The following CCDC15 variants were observed in gnomAD, a reference collection of about 807,000 sequenced individuals.
CCDC15 encodes the protein coiled-coil domain-containing protein 15.
A neutral mutation model predicts 114.5 loss-of-function variants in CCDC15; 105 were observed. The observed-to-expected ratio is 0.92, with a 90% CI of 0.78 to 1.08. The LOEUF (loss-of-function observed/expected upper bound fraction) is 1.08, where lower values mean the gene tolerates loss of function less well. Ranked by LOEUF, CCDC15 falls within the 50% of genes least tolerant of loss-of-function variation. The pLI is 0.00. For missense variants in CCDC15, 1,105 were observed against 1,093.6 expected, an observed-to-expected ratio of 1.01 and a Z score of -0.15; for synonymous variants, 334 against 377.8, an observed-to-expected ratio of 0.88 and a Z score of 1.34.
At chr11:124,975,272 C>T in intron 5 of CCDC15, 63 bp downstream of exon 5, 1 of 969,212 alleles carries the variant, frequency 1.0e-6, no homozygotes, top group Non-Finnish European at 1.5e-6. Context: ...TAAAGATTTA[C>T]TTATATCTCA....
chr11:125,004,076 T>C, intron 12 of CCDC15, 117 bp downstream of exon 12: 2 of 488,624 alleles, frequency 4.1e-6, no homozygotes, highest in Non-Finnish European at 6.9e-6. Flanking sequence ...ACCACAAATT[T>C]CATAAATCAA....
At chr11:124,992,857 T>G (rs1367365555) in intron 10 of CCDC15, among the ~76,000 whole-genome samples, 170 bp downstream of exon 10, 1 of 152,246 alleles carries the variant, frequency 6.6e-6, no homozygotes, top group African/African-American at 2.4e-5. Flanking sequence ...TTTCAAAATG[T>G]GCCAGAATAA....
Position 125,003,858 on chromosome 11 carries a change from TC to T in CCDC15, c.2215-8del, listed in dbSNP as rs773921376. 6.6e-7 allele frequency: 1 copy of T among 1,520,044 alleles called. No individual in the cohort carries two copies. The highest frequency in any genetic ancestry group is 1.3e-5 in the South Asian group (1 of 76,326). The allele number at this position is 1,520,044 out of a possible 1,614,324, so 94.2% of individuals were successfully genotyped here. On this transcript the variant is annotated splice_polypyrimidine_tract_variant and splice_region_variant and intron_variant, in intron 11 of 15. Transcript: ENST00000344762. ...TTTGTCACTTTGTGTGACTGGACCT[TC>T]TTAACAGGCTTATGATAGGTATCAA...
At chr11:125,014,832 A>C (rs924999167) in intron 13 of CCDC15, among the ~76,000 whole-genome samples, 35 of 152,198 alleles carry the variant, frequency 2.3e-4, no homozygotes, top group African/African-American at 7.7e-4. Flanking sequence ...TATGCCTAGA[A>C]ATTTAAGAAA....
chr11:124,987,061 T>C (rs1565366834), intron 7 of CCDC15, 66 bp from the exon 8 acceptor site: 2 of 1,398,436 alleles, frequency 1.4e-6, no homozygotes, highest in East Asian at 5.0e-5. Context: ...ATTTCGATTA[T>C]TTTGGAAAAT....
chr11:124,975,249 T>A, intron 5 of CCDC15, 40 bp downstream of exon 5: 1 of 1,201,304 alleles, frequency 8.3e-7, no homozygotes, highest in Middle Eastern at 2.0e-4. Flanking sequence ...AAAATACAGG[T>A]AAAAAATACA....
intron 2 of CCDC15, among the ~76,000 whole-genome samples, chr11:124,957,685 A>G (rs2135425863): frequency 6.6e-6 from 1 of 152,286 alleles, no homozygotes; most frequent in Non-Finnish European, 1.5e-5. Flanking sequence ...CGTTGGAATT[A>G]TTTTACCTAA....
chr11:125,000,556 G>T (rs762371529), intron 11 of CCDC15, among the ~76,000 whole-genome samples: 5 of 152,138 alleles, frequency 3.3e-5, no homozygotes, highest in African/African-American at 1.2e-4. Flanking sequence ...AGTGTGCTTC[G>T]TCATTAGTAC....
At chr11:124,981,609 T>C (rs1948073380) in intron 6 of CCDC15, among the ~76,000 whole-genome samples, 1 of 152,054 alleles carries the variant, frequency 6.6e-6, no homozygotes, top group Non-Finnish European at 1.5e-5. Flanking sequence ...CGTTGAAATC[T>C]CCCACTATTA....
At chr11:124,959,727 T>TAAAAAAATAAG in intron 3 of CCDC15, 88 bp from the exon 4 acceptor site, 1 of 766,204 alleles carries the variant, frequency 1.3e-6, no homozygotes, top group Non-Finnish European at 1.8e-6. Flanking sequence ...CACCCCAATT[T>TAAAAAAATAAG]AAAATCTTCT....
At chr11:124,999,197 G>A (rs1238857119) in intron 11 of CCDC15, among the ~76,000 whole-genome samples, 2 of 151,970 alleles carry the variant, frequency 1.3e-5, no homozygotes, top group African/African-American at 4.8e-5. Flanking sequence ...CAAAACTCTT[G>A]TTATTTTTTG....
rs753291757 is a variant in CCDC15 at position 124,987,714 on chromosome 11, A to G, written c.1488A>G (p.Lys496=). 6 of 1,614,020 alleles carry G rather than the reference A, an allele frequency of 3.7e-6. No homozygotes were observed. In the East Asian group the frequency reaches 8.9e-5, roughly 24 times the overall value. Residue 496 remains lysine (K), a synonymous_variant, in exon 8 of 16, where the codon AAA becomes AAG. Transcript: ENST00000344762. ...CCAAAGACCAAGATATTCTGCCAAAATATCAGGACCAGAATTTTCTACCTA... is the reference window on the plus strand; with the variant it reads ...CCAAAGACCAAGATATTCTGCCAAAGTATCAGGACCAGAATTTTCTACCTA... ...VLPKDQDILP[K]YQDQNFLPKD...
intron 13 of CCDC15, among the ~76,000 whole-genome samples, chr11:125,014,556 T>C (rs1948615852): frequency 1.3e-5 from 2 of 152,174 alleles, no homozygotes; most frequent in Admixed American, 6.5e-5. Context: ...ACCAAAGAAA[T>C]GGAATCTATA....
At chr11:124,978,818 AT>A (rs35083057) in intron 6 of CCDC15, among the ~76,000 whole-genome samples, 39,881 of 148,566 alleles carry the variant, frequency 0.27, 6,210 homozygotes, top group African/African-American at 0.44. Flanking sequence ...CCCATTTGTC[AT>A]TTTTTTTTTT....
intron 4 of CCDC15, among the ~76,000 whole-genome samples, chr11:124,962,805 C>T (rs4382918): frequency 0.2 from 30,864 of 152,122 alleles, 3,722 homozygotes; most frequent in African/African-American, 0.33. Context: ...CCGCTTCCCA[C>T]CATGCCACGA....
At chr11:124,985,671 T>C (rs1168034763) in intron 6 of CCDC15, among the ~76,000 whole-genome samples, 1 of 151,576 alleles carries the variant, frequency 6.6e-6, no homozygotes, top group African/African-American at 2.4e-5. Context: ...CATTTTTTAA[T>C]TGGGTTGTCT....
intron 5 of CCDC15, 47 bp from the exon 6 acceptor site, chr11:124,977,431 G>T: frequency 6.7e-7 from 1 of 1,491,140 alleles, no homozygotes; most frequent in Non-Finnish European, 8.9e-7. Flanking sequence ...TCATGAATAT[G>T]TTGCTTCCTC....
intron 4 of CCDC15, among the ~76,000 whole-genome samples, chr11:124,972,057 T>C (rs1194433274): frequency 1.3e-5 from 2 of 152,208 alleles, no homozygotes; most frequent in Non-Finnish European, 2.9e-5. Flanking sequence ...GATCTATGAG[T>C]AAACTATGAT....
chr11:125,007,832 C>T (rs1026858989), intron 13 of CCDC15, among the ~76,000 whole-genome samples: 5 of 152,206 alleles, frequency 3.3e-5, no homozygotes, highest in Middle Eastern at 3.4e-3. Context: ...CCCAGGCACC[C>T]GGATGACAAG....
Sources: allele counts gnomAD v4.1 joint callset (sites outside exome capture counted in the v4.1 genomes callset), GRCh38; gene constraint gnomAD v4.1.1; transcripts MANE v1.5; gene names NCBI Gene and HGNC (gene_info 2026-07-23, HGNC 2026-07-21).